The following GHR variants were observed in gnomAD, a reference collection of about 807,000 sequenced individuals.
GHR encodes growth hormone receptor, also known as GH receptor.
Under a neutral mutation model 67.1 loss-of-function variants are expected in GHR, and 35 were observed. The observed-to-expected ratio is 0.52, with a 90% CI of 0.40 to 0.69. The LOEUF (loss-of-function observed/expected upper bound fraction) is 0.69, where lower values mean the gene tolerates loss of function less well. Among genes scored for constraint, GHR ranks in the 30% least tolerant of loss-of-function variants. GHR has a pLI of 0.00. For synonymous variants in GHR, 272 were observed against 269.1 expected (o/e 1.01, Z -0.10); for missense variants, 792 against 764.6 (o/e 1.04, Z -0.42).
intron 2 of GHR, among the ~76,000 whole-genome samples, chr5:42,577,188 A>G (rs1269467674): frequency 2.0e-5 from 3 of 152,218 alleles, no homozygotes; most frequent in Non-Finnish European, 2.9e-5. Flanking sequence ...ATACAGCTTC[A>G]TATAATTGTT....
intron 1 of GHR, among the ~76,000 whole-genome samples, chr5:42,463,571 T>A (rs1744578622): frequency 6.6e-6 from 1 of 152,260 alleles, no homozygotes; most frequent in South Asian, 2.1e-4. Flanking sequence ...CAAATAGTCA[T>A]CTTTCTGGAA....
chr5:42,634,502 C>T (rs138757143), intron 3 of GHR, among the ~76,000 whole-genome samples: 111 of 148,458 alleles, frequency 7.5e-4, no homozygotes, highest in African/African-American at 2.8e-3. Flanking sequence ...GAGTATTTCA[C>T]GGATGGTTAT....
At chr5:42,510,788 A>C (rs887092422) in intron 1 of GHR, among the ~76,000 whole-genome samples, 8 of 152,198 alleles carry the variant, frequency 5.3e-5, no homozygotes, top group Non-Finnish European at 1.0e-4. Context: ...TCATAGGAAG[A>C]AGTTCAGCCT....
intron 2 of GHR, among the ~76,000 whole-genome samples, chr5:42,581,752 G>A (rs1751181837): frequency 6.6e-6 from 1 of 152,286 alleles, no homozygotes; most frequent in Admixed American, 6.5e-5. Flanking sequence ...CCACAGAGCT[G>A]CCAGGTGGGA....
chr5:42,666,170 C>T (rs182908467), intron 3 of GHR, among the ~76,000 whole-genome samples: 1 of 134,638 alleles, frequency 7.4e-6, no homozygotes, highest in Non-Finnish European at 1.7e-5. Context: ...TTATGTTTTT[C>T]CTTTTAAATA....
intron 2 of GHR, among the ~76,000 whole-genome samples, chr5:42,582,293 T>C (rs891122914): frequency 3.3e-5 from 5 of 152,348 alleles, no homozygotes; most frequent in Non-Finnish European, 5.9e-5. Context: ...AGCTATCAGT[T>C]CCAGGTGGAG....
At chr5:42,539,341 G>C (rs902991925) in intron 1 of GHR, among the ~76,000 whole-genome samples, 1 of 152,146 alleles carries the variant, frequency 6.6e-6, no homozygotes, top group African/African-American at 2.4e-5. Flanking sequence ...AGTGCTGAAG[G>C]CTGTTGTTCA....
At chr5:42,473,364 A>G (rs562947422) in intron 1 of GHR, among the ~76,000 whole-genome samples, 21 of 152,150 alleles carry the variant, frequency 1.4e-4, no homozygotes, top group African/African-American at 5.1e-4. Flanking sequence ...CCGATTTCTA[A>G]GTGGAGAGTT....
chr5:42,576,624 T>G (rs557234520), intron 2 of GHR, among the ~76,000 whole-genome samples: 25 of 152,346 alleles, frequency 1.6e-4, no homozygotes, highest in Admixed American at 1.6e-3. Flanking sequence ...AAGGAAATTT[T>G]GGAAGCTACA....
At chr5:42,529,843 G>A (rs1579878592) in intron 1 of GHR, among the ~76,000 whole-genome samples, 1 of 151,974 alleles carries the variant, frequency 6.6e-6, no homozygotes, top group Non-Finnish European at 1.5e-5. Context: ...CCTAGGGGAT[G>A]GTCTTCAGTC....
chr5:42,594,681 C>A (rs939318658), intron 2 of GHR, among the ~76,000 whole-genome samples: 6 of 152,148 alleles, frequency 3.9e-5, no homozygotes, highest in Non-Finnish European at 8.8e-5. Flanking sequence ...TGGTAACCTA[C>A]ACAGAACAGC....
chr5:42,715,201 ATTAAC>A (rs1185607452), intron 8 of GHR: 3 of 270,148 alleles, frequency 1.1e-5, no homozygotes, highest in Non-Finnish European at 7.6e-6. Context: ...GTAGGAAAGA[ATTAAC>A]TTTATTTTTT....
intron 1 of GHR, among the ~76,000 whole-genome samples, chr5:42,531,058 A>C (rs1415675941): frequency 6.6e-6 from 1 of 152,220 alleles, no homozygotes; most frequent in Non-Finnish European, 1.5e-5. Flanking sequence ...ACCTGAGGTC[A>C]AGAGTTCAAG....
chr5:42,445,323 A>T (rs1232963540), intron 1 of GHR, among the ~76,000 whole-genome samples: 1 of 152,238 alleles, frequency 6.6e-6, no homozygotes, highest in Non-Finnish European at 1.5e-5. Context: ...TGAGGGAACT[A>T]TGATATATTT....
chr5:42,429,445 A>G (rs1291637012), intron 1 of GHR, among the ~76,000 whole-genome samples: 3 of 152,244 alleles, frequency 2.0e-5, no homozygotes, highest in Non-Finnish European at 4.4e-5. Flanking sequence ...TTTTCTAAAC[A>G]AAAGATTTAT....
At chr5:42,525,670 A>AT (rs1485382591) in intron 1 of GHR, among the ~76,000 whole-genome samples, 3 of 152,058 alleles carry the variant, frequency 2.0e-5, no homozygotes, top group Admixed American at 6.6e-5. Flanking sequence ...CCCCACCCAA[A>AT]TCTCACCTTG....
chr5:42,558,157 G>T (rs1749413879), intron 1 of GHR, among the ~76,000 whole-genome samples: 1 of 152,036 alleles, frequency 6.6e-6, no homozygotes, highest in African/African-American at 2.4e-5. Flanking sequence ...TATTTCTGAA[G>T]GTAAACAAAT....
intron 6 of GHR, among the ~76,000 whole-genome samples, chr5:42,703,059 C>T (rs529059846): frequency 6.6e-6 from 1 of 151,892 alleles, no homozygotes; most frequent in Non-Finnish European, 1.5e-5. Context: ...TTTTTAGTTT[C>T]ATGTAATCCC....
intron 1 of GHR, among the ~76,000 whole-genome samples, chr5:42,509,928 T>A (rs1355159582): frequency 6.6e-6 from 1 of 152,208 alleles, no homozygotes; most frequent in Non-Finnish European, 1.5e-5. Flanking sequence ...TTAAACAATG[T>A]CTGTACAATA....
Sources: gnomAD v4.1 joint callset for allele counts (sites outside exome capture counted in the v4.1 genomes callset) on GRCh38, gnomAD v4.1.1 for gene constraint, MANE v1.5 for transcripts, NCBI Gene and HGNC (gene_info 2026-07-23, HGNC 2026-07-21) for gene names.